Variants in PDE4DIP observed in about 807,000 individuals in gnomAD.
PDE4DIP encodes myomegalin.
A neutral mutation model predicts 221.4 loss-of-function variants in PDE4DIP; 59 were observed. The ratio of observed to expected loss-of-function variants is 0.27; its 90% CI spans 0.22 to 0.33. PDE4DIP has a LOEUF of 0.33. PDE4DIP is among the 10% of genes least tolerant of loss of function. The pLI, the probability that PDE4DIP is intolerant of heterozygous loss-of-function variation, is 1.00. For synonymous variants in PDE4DIP, 404 were observed against 815.9 expected, an observed-to-expected ratio of 0.50 and a Z score of 8.60; for missense variants, 1,036 against 2,154.2, an observed-to-expected ratio of 0.48 and a Z score of 10.28.
chr1:149,004,328 G>A (rs1459192811), intron 26 of PDE4DIP, among the ~76,000 whole-genome samples: 3 of 151,236 alleles, frequency 2.0e-5, no homozygotes, highest in Non-Finnish European at 4.4e-5. Flanking sequence ...CTGGTAAAAT[G>A]CCATGGATTA....
intron 5 of PDE4DIP, among the ~76,000 whole-genome samples, chr1:148,951,688 C>A (rs1293837685): frequency 6.6e-5 from 10 of 152,304 alleles, no homozygotes; most frequent in Non-Finnish European, 1.2e-4. Context: ...CTTCTACTAT[C>A]TTCAAGATCT....
chr1:148,982,196 C>G (rs1465677663), intron 21 of PDE4DIP: 1 of 152,132 alleles, frequency 6.6e-6, no homozygotes, highest in Non-Finnish European at 1.5e-5. Context: ...TTCTTTAAAC[C>G]AAGCTCATGC....
At chr1:148,941,202 C>G (rs1394423032) in intron 5 of PDE4DIP, among the ~76,000 whole-genome samples, 1 of 79,468 alleles carries the variant, frequency 1.3e-5, no homozygotes, top group Admixed American at 1.4e-4. Flanking sequence ...CAGAAATACA[C>G]GCATGGTGCT....
At chr1:148,953,867 G>C in intron 5 of PDE4DIP, 1 of 1,610,888 alleles carries the variant, frequency 6.2e-7, no homozygotes, top group Non-Finnish European at 8.5e-7. Context: ...GGAGCTGTGG[G>C]ATGATCTCTG....
At chr1:148,979,605 A>G (rs1356445631) in intron 19 of PDE4DIP, 132 bp from the exon 23 acceptor site, 1 of 710,150 alleles carries the variant, frequency 1.4e-6, no homozygotes, top group African/African-American at 1.8e-5. Context: ...AAAACTATAA[A>G]ATAGTATCAA....
intron 21 of PDE4DIP, chr1:148,985,400 G>A (rs1394629971): frequency 1.3e-5 from 2 of 152,000 alleles, no homozygotes; most frequent in Non-Finnish European, 2.9e-5. Flanking sequence ...TTTAGAATGT[G>A]GATTTAAGCC....
At chr1:148,912,298 G>A (rs2042920207) in intron 1 of PDE4DIP, among the ~76,000 whole-genome samples, 2 of 146,480 alleles carry the variant, frequency 1.4e-5, no homozygotes, top group Admixed American at 1.3e-4. Flanking sequence ...AGTTTGCATT[G>A]CCACTTGCTA....
intron 17 of PDE4DIP, among the ~76,000 whole-genome samples, chr1:148,977,366 A>G: frequency 1.6e-5 from 1 of 63,264 alleles, no homozygotes; most frequent in Non-Finnish European, 3.1e-5. Flanking sequence ...TTTTTAATGA[A>G]GTTTGTCATA....
At chr1:148,979,783 A>T in exon 20 of PDE4DIP, 1 of 1,613,688 alleles carries the variant, frequency 6.2e-7, no homozygotes, top group East Asian at 2.2e-5. Flanking sequence ...AGTCGGCTCA[A>T]TGAGGCCTTA....
At chr1:148,844,182 G>C (rs1250367420) in intron 1 of PDE4DIP, among the ~76,000 whole-genome samples, 3 of 67,650 alleles carry the variant, frequency 4.4e-5, no homozygotes, top group Non-Finnish European at 1.1e-4. Context: ...CCTGTAGTTG[G>C]TTGATTGTAT....
chr1:148,934,415 T>A (rs2048737568), intron 4 of PDE4DIP, among the ~76,000 whole-genome samples: 1 of 151,854 alleles, frequency 6.6e-6, no homozygotes, highest in Non-Finnish European at 1.5e-5. Context: ...CCTTGAACAA[T>A]TTTGGAGAGT....
chr1:149,017,447 A>T (rs1312839080), intron 33 of PDE4DIP, among the ~76,000 whole-genome samples: 4 of 152,288 alleles, frequency 2.6e-5, no homozygotes, highest in Admixed American at 1.3e-4. Context: ...TCCAGATGCT[A>T]GGCAGGCCTT....
intron 5 of PDE4DIP, among the ~76,000 whole-genome samples, chr1:148,941,645 G>T: frequency 8.6e-6 from 1 of 116,046 alleles, no homozygotes; most frequent in Non-Finnish European, 1.8e-5. Flanking sequence ...CTTTGAATTG[G>T]TTGGGGAAAA....
intron 37 of PDE4DIP, chr1:149,021,710 G>C (rs1259116948): frequency 6.7e-6 from 1 of 148,814 alleles, no homozygotes; most frequent in African/African-American, 2.5e-5. Flanking sequence ...GGTGAGTGTT[G>C]AGTCAGTGGG....
intron 21 of PDE4DIP, among the ~76,000 whole-genome samples, chr1:148,987,260 T>C (rs1357440075): frequency 1.3e-5 from 2 of 152,100 alleles, no homozygotes; most frequent in Non-Finnish European, 2.9e-5. Context: ...TCTGTCTAGA[T>C]AGAGAATTTT....
At chr1:148,889,070 G>C (rs1336172599), upstream of PDE4DIP, among the ~76,000 whole-genome samples, 4 of 151,608 alleles carry the variant, frequency 2.6e-5, no homozygotes, top group East Asian at 7.7e-4. Flanking sequence ...CATTAGAAGT[G>C]AGCTCTGGAT....
Position 149,003,019 on chromosome 1 carries a change from TG to T in PDE4DIP, c.3745del (p.Glu1249ArgfsTer13). 1.3e-6 allele frequency: 1 copy of T among 764,048 alleles called. No individual in the cohort carries two copies. Among genetic ancestry groups the T allele is most frequent in the South Asian group, 1.7e-5 (1 of 59,280 alleles). 47.3% of individuals were successfully genotyped at this position (764,048 alleles called of 1,614,324 possible). On this transcript the variant is annotated frameshift_variant, in exon 25 of 44. Transcript: ENST00000369354. LOFTEE classifies it high-confidence loss of function. ...ACTGTCTTTGCTCAGGCTAACGAGC[TG>T]GAGAAATACAGAGTTATGCTTAGTA...
intron 35 of PDE4DIP, 72 bp from the exon 39 acceptor site, chr1:149,020,075 T>A: frequency 1.0e-5 from 5 of 495,516 alleles, no homozygotes; most frequent in Non-Finnish European, 1.8e-5. Flanking sequence ...TCAGGGTGGA[T>A]GTGCTTGGGG....
chr1:148,966,934 G>C (rs2058282954), exon 12 of PDE4DIP: 2 of 1,613,578 alleles, frequency 1.2e-6, no homozygotes, highest in East Asian at 2.2e-5. Context: ...ATGACTTAGA[G>C]AGACTGCGCG....
Sources: allele counts gnomAD v4.1 joint callset (sites outside exome capture counted in the v4.1 genomes callset), GRCh38; gene constraint gnomAD v4.1.1; transcripts MANE v1.5; gene names NCBI Gene and HGNC (gene_info 2026-07-23, HGNC 2026-07-21).